Variants in OR2T12 observed in about 807,000 individuals in gnomAD.
OR2T12 encodes the protein olfactory receptor 2T12.
For synonymous variants in OR2T12, 127 were observed against 160.5 expected, an observed-to-expected ratio of 0.79 and a Z score of 1.58; for missense variants, 335 against 404.3, an observed-to-expected ratio of 0.83 and a Z score of 1.47.
intron 2 of OR2T12, among the ~76,000 whole-genome samples, chr1:248,297,206 G>C (rs1444951536): frequency 4.0e-5 from 6 of 151,848 alleles, no homozygotes; most frequent in African/African-American, 2.4e-5. Flanking sequence ...CTGTTCCATT[G>C]ATCTATATCT....
chr1:248,291,966 A>T lies in OR2T12; in HGVS notation c.*2650T>A, dbSNP rs193009285. On this transcript the variant is annotated 3_prime_UTR_variant, in exon 3 of 3. Coordinates refer to ENST00000641276, the MANE Select transcript of OR2T12 (RefSeq NM_001004692.2). Reference sequence around the variant, plus strand: ...AGACTTAAACATAAAACATAAAACCATAAAAACCCTAGAAGAAAACCTAGG... The same window carrying T: ...AGACTTAAACATAAAACATAAAACCTTAAAAACCCTAGAAGAAAACCTAGG... 7.7e-4 allele frequency: 117 copies of T among 152,296 alleles called. No individual in the cohort carries two copies. The highest frequency in any genetic ancestry group is 2.7e-3 in the African/African-American group (114 of 41,554). The allele number at this position is 152,296 out of a possible 1,614,324, so 9.4% of individuals were successfully genotyped here.
At position 248,294,551 on chromosome 1, in the gene OR2T12, G is replaced by A; in HGVS notation, c.*65C>T. On this transcript the variant is annotated 3_prime_UTR_variant, in exon 3 of 3. Transcript: ENST00000641276. The stretch of plus-strand genomic sequence containing the variant: ...AATTTTCTCTTCATGAATTACTAAA[G>A]GGAGAGAATTACATAGTGTTAAAAT... 1 of 1,519,768 alleles carries A rather than the reference G, an allele frequency of 6.6e-7. No homozygotes were observed. Among genetic ancestry groups the A allele is most frequent in the Non-Finnish European group, 8.8e-7 (1 of 1,131,386 alleles). The allele number at this position is 1,519,768 out of a possible 1,614,324, so 94.1% of individuals were successfully genotyped here.
intron 1 of OR2T12, among the ~76,000 whole-genome samples, chr1:248,302,537 G>T (rs1194526662): frequency 1.3e-5 from 2 of 152,046 alleles, no homozygotes; most frequent in Non-Finnish European, 2.9e-5. Flanking sequence ...CAACATATTT[G>T]TTGTAAATAA....
In OR2T12 at chr1:248,290,600, G is replaced by A. The variant is rs1659608843; in HGVS notation, c.*4016C>T. The A allele has an allele frequency of 2.6e-5, 4 of 152,098 alleles. No homozygotes were observed. The highest frequency in any genetic ancestry group is 2.6e-4 in the Admixed American group (4 of 15,260). 9.4% of individuals were successfully genotyped at this position (152,098 alleles called of 1,614,324 possible). ...CAGAAATGGGATTTCTGGGTCAAATGGCATTTCTAGTTCTAGATCCTTGAG... is the reference window on the plus strand; with the variant it reads ...CAGAAATGGGATTTCTGGGTCAAATAGCATTTCTAGTTCTAGATCCTTGAG... On this transcript the variant is annotated 3_prime_UTR_variant, in exon 3 of 3. Transcript: ENST00000641276.
rs1271582372 is a variant in OR2T12, at chr1:248,290,549, G to C, written c.*4067C>G. ...TGTGCATGTGTCTTTTTAGTGGAAT[G>C]ATTTAAAATCCTTTGGGTATATACC... On this transcript the variant is annotated 3_prime_UTR_variant, in exon 3 of 3. Transcript: ENST00000641276. 6.6e-6 allele frequency: 1 copy of C among 152,136 alleles called. No homozygotes were observed. Among genetic ancestry groups the C allele is most frequent in the Non-Finnish European group, 1.5e-5 (1 of 68,016 alleles). The allele number at this position is 152,136 out of a possible 1,614,324, so 9.4% of individuals were successfully genotyped here.
At position 248,294,955 on chromosome 1, in the gene OR2T12, G is replaced by A. The variant is rs1344369313; in HGVS notation, c.624C>T (p.Pro208=). 1.2e-6 allele frequency: 2 copies of A among 1,611,768 alleles called. No individual in the cohort carries two copies. Among genetic ancestry groups the A allele is most frequent in the East Asian group, 2.2e-5 (1 of 44,870 alleles). The change falls in exon 3 of 3, where the codon CCC becomes CCT. Residue 208 remains proline (P), a synonymous_variant. Coordinates refer to ENST00000641276, the MANE Select transcript of OR2T12 (RefSeq NM_001004692.2). ...YICCVLMLLV[P]FSLILSSYGL... is the part of the protein sequence containing the mutation. ...CATAGGAGGACAGGATGAGGGAAAA[G>A]GGGACCAGGAGCATTAACACACAGC...
chr1:248,295,688 T>C, intron 2 of OR2T12, 102 bp from the exon 3 acceptor site: 1 of 1,453,830 alleles, frequency 6.9e-7, no homozygotes, highest in Non-Finnish European at 9.3e-7. Context: ...CTGGATATGT[T>C]ATCCCAGGTC....
intron 2 of OR2T12, among the ~76,000 whole-genome samples, chr1:248,295,833 TA>T (rs202019742): frequency 3.9e-5 from 6 of 152,122 alleles, no homozygotes; most frequent in African/African-American, 1.4e-4. Context: ...TCAAAATGAA[TA>T]AAAATTTTTT....
At chr1:248,295,902 G>A (rs1277030429) in intron 2 of OR2T12, among the ~76,000 whole-genome samples, 2 of 151,988 alleles carry the variant, frequency 1.3e-5, no homozygotes, top group East Asian at 1.9e-4. Flanking sequence ...TGTGCACAAT[G>A]TGCAGGTTAG....
rs773607222 is a variant in OR2T12, at chr1:248,294,907, C to G, written c.672G>C (p.Leu224=). The G allele has an allele frequency of 6.2e-7, 1 of 1,611,856 alleles. No homozygotes were observed. The highest frequency in any genetic ancestry group is 2.2e-5 in the East Asian group (1 of 44,882). Residue 224 remains leucine, a synonymous_variant, in exon 3 of 3, where the codon CTG becomes CTC. Coordinates refer to ENST00000641276, the MANE Select transcript of OR2T12 (RefSeq NM_001004692.2). The part of the protein sequence containing the change: ...SSYGLILAAV[L]LMRSTEARKK... ...TGCGGGCTTCTGTAGAGCGCATGAGCAGAACAGCAGCGAGGATGAGACCAT... is the reference window on the plus strand; with the variant it reads ...TGCGGGCTTCTGTAGAGCGCATGAGGAGAACAGCAGCGAGGATGAGACCAT...
rs1659613400 is a variant in OR2T12, at chr1:248,290,832, T to A, written c.*3784A>T. The A allele has an allele frequency of 6.6e-6, 1 of 152,156 alleles. No individual in the cohort carries two copies. Among genetic ancestry groups the A allele is most frequent in the Non-Finnish European group, 1.5e-5 (1 of 68,020 alleles). The allele number at this position is 152,156 out of a possible 1,614,324, so 9.4% of individuals were successfully genotyped here. ...TGTATACATGTGCCATGTTGGTGAC[T>A]TTTTAATAATTGCCATTCTAACTGA... On this transcript the variant is annotated 3_prime_UTR_variant, in exon 3 of 3. Transcript: ENST00000641276.
In OR2T12 at chr1:248,294,430, T is replaced by A. The variant is rs1188057723; in HGVS notation, c.*186A>T. ...AGTAATCTATAGGTATTACTTCACT[T>A]GAAGAAAAGTACATAAATGCTCAAA... On this transcript the variant is annotated 3_prime_UTR_variant, in exon 3 of 3. Transcript: ENST00000641276. 2 of 700,922 alleles carry A rather than the reference T, an allele frequency of 2.9e-6. No individual in the cohort carries two copies. The highest frequency in any genetic ancestry group is 3.0e-5 in the Admixed American group (1 of 33,768). The allele number at this position is 700,922 out of a possible 1,614,324, so 43.4% of individuals were successfully genotyped here. A position where few individuals can be genotyped will look rare whatever the true frequency, so the allele number is the denominator to read the frequency against.
intron 2 of OR2T12, among the ~76,000 whole-genome samples, chr1:248,300,485 T>C (rs1439140338): frequency 6.6e-6 from 1 of 152,122 alleles, no homozygotes; most frequent in Admixed American, 6.6e-5. Context: ...TTTAGTGTTG[T>C]GGGTTTCCCA....
chr1:248,298,920 A>T (rs1292983628), intron 2 of OR2T12, among the ~76,000 whole-genome samples: 1 of 152,128 alleles, frequency 6.6e-6, no homozygotes, highest in African/African-American at 2.4e-5. Flanking sequence ...CCAGAATTTC[A>T]TATCTAGCCA....
At chr1:248,297,444 C>A (rs543722738) in intron 2 of OR2T12, among the ~76,000 whole-genome samples, 1 of 151,570 alleles carries the variant, frequency 6.6e-6, no homozygotes, top group Non-Finnish European at 1.5e-5. Flanking sequence ...TTACCTTGGG[C>A]AGTATGGCCA....
chr1:248,294,421 T>C lies in OR2T12; in HGVS notation c.*195A>G. 1 of 641,620 alleles carries C rather than the reference T, an allele frequency of 1.6e-6. No homozygotes were observed. The highest frequency in any genetic ancestry group is 2.6e-6 in the Non-Finnish European group (1 of 387,796). The allele number at this position is 641,620 out of a possible 1,614,324, so 39.7% of individuals were successfully genotyped here. The stretch of plus-strand genomic sequence containing the variant: ...AGGATACAAAGTAATCTATAGGTAT[T>C]ACTTCACTTGAAGAAAAGTACATAA... On this transcript the variant is annotated 3_prime_UTR_variant, in exon 3 of 3. Coordinates refer to ENST00000641276, the MANE Select transcript of OR2T12 (RefSeq NM_001004692.2).
rs1221251313 is a variant in OR2T12, at chr1:248,293,971, T to C, written c.*645A>G. On this transcript the variant is annotated 3_prime_UTR_variant, in exon 3 of 3. Coordinates refer to ENST00000641276, the MANE Select transcript of OR2T12 (RefSeq NM_001004692.2). ...CAATATAGCAGTTACATTTGAGTTG[T>C]GTACTTCCCCTTTTGTCATGCATCT... 2 of 152,180 alleles carry C rather than the reference T, an allele frequency of 1.3e-5. No individual in the cohort carries two copies. Among genetic ancestry groups the C allele is most frequent in the Non-Finnish European group, 2.9e-5 (2 of 68,022 alleles). The allele number at this position is 152,180 out of a possible 1,614,324, so 9.4% of individuals were successfully genotyped here.
chr1:248,295,748 A>G, intron 2 of OR2T12, 162 bp from the exon 3 acceptor site: 1 of 868,094 alleles, frequency 1.2e-6, no homozygotes, highest in East Asian at 2.6e-5. Flanking sequence ...CTGACCTGGC[A>G]TTCACTTCTC....
rs1301613367 is a variant in OR2T12, at chr1:248,294,563, C to T, written c.*53G>A. The T allele has an allele frequency of 8.4e-6, 13 of 1,553,364 alleles. No individual in the cohort carries two copies. The highest frequency in any genetic ancestry group is 2.0e-5 in the Admixed American group (1 of 50,116). ...ATGAATTACTAAAGGGAGAGAATTA[C>T]ATAGTGTTAAAATGTTAATAAATTC... On this transcript the variant is annotated 3_prime_UTR_variant, in exon 3 of 3. Coordinates refer to ENST00000641276, the MANE Select transcript of OR2T12 (RefSeq NM_001004692.2).
Sources: gnomAD v4.1 joint callset for allele counts (sites outside exome capture counted in the v4.1 genomes callset) on GRCh38, gnomAD v4.1.1 for gene constraint, MANE v1.5 for transcripts, NCBI Gene and HGNC (gene_info 2026-07-23, HGNC 2026-07-21) for gene names.